BRF1: variants seen among roughly 807,000 people sequenced by gnomAD.
The protein encoded by BRF1 is BRF1 general transcription factor IIIB subunit, also known as transcription factor IIIB 90 kDa subunit.
A neutral mutation model predicts 81.7 loss-of-function variants in BRF1; 59 were observed. That is an observed-to-expected ratio of 0.72 (90% CI 0.59 to 0.90). The LOEUF is 0.90. BRF1 is among the 40% of genes least tolerant of loss of function. The pLI, the probability that BRF1 is intolerant of heterozygous loss-of-function variation, is 0.00. For missense variants in BRF1, 1,050 were observed against 936.3 expected (o/e 1.12, Z -1.58); for synonymous variants, 491 against 395.6 (o/e 1.24, Z -2.86).
chr14:105,218,222 A>G (rs1287538018), intron 14 of BRF1, among the ~76,000 whole-genome samples: 1 of 152,180 alleles, frequency 6.6e-6, no homozygotes, highest in Non-Finnish European at 1.5e-5. Context: ...TGCCCACGTC[A>G]AAGGCCCCAG....
intron 5 of BRF1, chr14:105,247,465 T>C (rs1213269980): frequency 1.0e-6 from 1 of 985,324 alleles, no homozygotes; most frequent in Non-Finnish European, 1.2e-6. Flanking sequence ...AACTGGGTTG[T>C]CAGCCTTTTC....
rs745505379 is a variant in BRF1 at position 105,226,049 on chromosome 14, G to A, written c.1048+20C>T. The A allele has an allele frequency of 1.2e-6, 2 of 1,606,956 alleles. No individual in the cohort carries two copies. Among genetic ancestry groups the A allele is most frequent in the African/African-American group, 2.7e-5 (2 of 74,824 alleles). On this transcript the variant is annotated intron_variant, in intron 10 of 17. Transcript: ENST00000547530. The stretch of plus-strand genomic sequence containing the variant: ...GCACATTTTAAAGGTCTGAATAGGG[G>A]CCGGGCACAGTGGACTCACCATCTT...
intron 15 of BRF1, 97 bp downstream of exon 15, chr14:105,217,447 C>G: frequency 6.5e-7 from 1 of 1,539,862 alleles, no homozygotes; most frequent in Non-Finnish European, 8.8e-7. Context: ...ACTTCTGTGG[C>G]CCCGGCTGGC....
intron 1 of BRF1, among the ~76,000 whole-genome samples, chr14:105,298,760 C>T (rs1458187438): frequency 6.6e-6 from 1 of 151,712 alleles, no homozygotes; most frequent in Non-Finnish European, 1.5e-5. Context: ...GAGGCTGAGG[C>T]ACGAGAATCA....
intron 5 of BRF1, chr14:105,249,636 C>T (rs772580180): frequency 3.7e-6 from 6 of 1,603,556 alleles, no homozygotes; most frequent in South Asian, 3.3e-5. Context: ...CCTGCCTCGC[C>T]TAGGTACATG....
upstream of BRF1, among the ~76,000 whole-genome samples, chr14:105,303,502 C>A (rs1054545589): frequency 7.2e-5 from 11 of 152,250 alleles, no homozygotes; most frequent in African/African-American, 2.7e-4. Flanking sequence ...CTCGCCCTCC[C>A]AAAGTGCTGG....
intron 2 of BRF1, among the ~76,000 whole-genome samples, chr14:105,279,055 T>TA (rs1472855373): frequency 1.3e-5 from 2 of 151,332 alleles, no homozygotes; most frequent in Non-Finnish European, 2.9e-5. Context: ...AGAAAAAAAT[T>TA]AAAAATGAGT....
intron 2 of BRF1, among the ~76,000 whole-genome samples, chr14:105,275,624 G>C (rs1222092653): frequency 2.0e-5 from 3 of 152,242 alleles, no homozygotes; most frequent in Non-Finnish European, 4.4e-5. Flanking sequence ...AAAGGTAAGA[G>C]AGAGGTACTC....
chr14:105,209,463 G>A lies in BRF1; in HGVS notation c.*1088C>T, dbSNP rs1889834518. The A allele has an allele frequency of 1.4e-6, 1 of 698,590 alleles. No homozygotes were observed. The allele number at this position is 698,590 out of a possible 1,614,324, so 43.3% of individuals were successfully genotyped here. A position where few individuals can be genotyped will look rare whatever the true frequency, so the allele number is the denominator to read the frequency against. ...ACAGCCCATTCCATGGGGAGGATGA[G>A]GCCCCTGGGGGTCAGTGAGGCACGG... On this transcript the variant is annotated 3_prime_UTR_variant, in exon 18 of 18. Transcript: ENST00000547530.
chr14:105,287,796 G>A (rs1360531905), intron 1 of BRF1, among the ~76,000 whole-genome samples: 2 of 152,198 alleles, frequency 1.3e-5, no homozygotes, highest in Non-Finnish European at 2.9e-5. Context: ...AAGTTCAGTT[G>A]GAAGCAAAAA....
Position 105,300,593 on chromosome 14 carries a change from C to G in BRF1, c.37G>C (p.Asp13His). The change falls in exon 1 of 18, where the codon GAC becomes CAC. Residue 13 changes from aspartate to histidine, a missense_variant. Asp to His is a moderately conservative substitution (Grantham distance 81). This residue lies in a region of BRF1 where 1,043 missense variants were observed against 915.4 expected (regional missense o/e 1.14). Coordinates refer to ENST00000547530, the MANE Select transcript of BRF1 (RefSeq NM_001519.4). ...CCGCGCGCCGCGTCCAGCTCGATGT[C>G]CGTGCCGCCGCAACCGCGGCACACG... ...GRVCRGCGGT[D>H]IELDAARGDA... 2 of 1,457,082 alleles carry G rather than the reference C, an allele frequency of 1.4e-6. No homozygotes were observed. Among genetic ancestry groups the G allele is most frequent in the Non-Finnish European group, 1.8e-6 (2 of 1,108,344 alleles). The allele number at this position is 1,457,082 out of a possible 1,614,324, so 90.3% of individuals were successfully genotyped here.
intron 10 of BRF1, chr14:105,222,206 T>G (rs1382685076): frequency 1.9e-5 from 7 of 364,032 alleles, no homozygotes; most frequent in Non-Finnish European, 3.4e-5. Context: ...CTAATGGTTC[T>G]AAAAGCAGAA....
chr14:105,293,389 T>C (rs1048680968), intron 1 of BRF1, among the ~76,000 whole-genome samples: 6 of 152,150 alleles, frequency 3.9e-5, no homozygotes, highest in African/African-American at 1.2e-4. Flanking sequence ...GTGAAGCCAC[T>C]GAAAGTTGTG....
At position 105,217,595 on chromosome 14, in the gene BRF1, C is replaced by T. The variant is rs1454226368; in HGVS notation, c.1721G>A (p.Arg574Lys). ...SASARKLSRR[R>K]TPASRSGADP... ...AGCCCCACTTCTGCTGGCCGGCGTC[C>T]TCCTTCGTGACAGCTTCCTGGCACT... The change falls in exon 15 of 18, where the codon AGG becomes AAG. Residue 574 changes from arginine (R) to lysine (K), a missense_variant. By Grantham distance (26) the Arg-to-Lys change is conservative. This residue lies in a region of BRF1 where 1,043 missense variants were observed against 915.4 expected (regional missense o/e 1.14). Coordinates refer to ENST00000547530, the MANE Select transcript of BRF1 (RefSeq NM_001519.4). 6.2e-7 allele frequency: 1 copy of T among 1,613,498 alleles called. No homozygotes were observed. The highest frequency in any genetic ancestry group is 1.7e-5 in the Admixed American group (1 of 60,020).
chr14:105,215,407 C>T (rs1398298126), intron 15 of BRF1, among the ~76,000 whole-genome samples: 3 of 151,920 alleles, frequency 2.0e-5, no homozygotes, highest in African/African-American at 7.3e-5. Flanking sequence ...AAAACTTACA[C>T]ACATGCACAC....
chr14:105,261,137 G>A (rs1022731225), intron 3 of BRF1, among the ~76,000 whole-genome samples: 2 of 152,370 alleles, frequency 1.3e-5, no homozygotes, highest in East Asian at 3.9e-4. Flanking sequence ...CTGCCAGCTG[G>A]GGCCTCTTTC....
chr14:105,213,761 G>A (rs1890553413), intron 15 of BRF1, among the ~76,000 whole-genome samples: 2 of 152,204 alleles, frequency 1.3e-5, no homozygotes, highest in African/African-American at 4.8e-5. Flanking sequence ...CTCACCCTGG[G>A]GGGCCAGAAA....
chr14:105,213,999 G>T (rs1377603507), intron 15 of BRF1, among the ~76,000 whole-genome samples: 2 of 152,246 alleles, frequency 1.3e-5, no homozygotes, highest in African/African-American at 4.8e-5. Flanking sequence ...CATGGCTTTG[G>T]CCTGTACGGG....
At position 105,271,889 on chromosome 14, in the gene BRF1, G is replaced by C. The variant is rs2056673079; in HGVS notation, c.439+832C>G. 7.9e-6 allele frequency among the ~76,000 whole-genome samples: 1 copy of C among 126,368 alleles called. No individual in the cohort carries two copies. Among genetic ancestry groups the C allele is most frequent in the African/African-American group, 2.9e-5 (1 of 33,970 alleles). 82.9% of individuals were successfully genotyped at this position (126,368 alleles called of 152,430 possible). A position where few individuals can be genotyped will look rare whatever the true frequency, so the allele number is the denominator to read the frequency against. On this transcript the variant is annotated intron_variant, in intron 3 of 17. Coordinates refer to ENST00000547530, the MANE Select transcript of BRF1 (RefSeq NM_001519.4). This position sits in a 1 kb window ranked among gnomAD's most constrained non-coding sequence, Gnocchi z 5.5. ...CGGTGTCCACGCACAAGGCCAAGCT[G>C]CACACCGCTGAGGGTCGGCGGCCTC... is the stretch of plus-strand genomic sequence containing the variant.
Sources: allele counts gnomAD v4.1 joint callset (sites outside exome capture counted in the v4.1 genomes callset), GRCh38; gene constraint gnomAD v4.1.1; regional missense constraint gnomAD v4.1.1; non-coding constraint Gnocchi (gnomAD v3.1); transcripts MANE v1.5; gene names NCBI Gene and HGNC (gene_info 2026-07-23, HGNC 2026-07-21).